Variants in SORCS2 observed in about 807,000 individuals in gnomAD.
SORCS2 encodes sortilin related VPS10 domain containing receptor 2.
SORCS2 carries 100 observed loss-of-function variants against 141.6 expected under a neutral mutation model. The ratio of observed to expected loss-of-function variants is 0.71; its 90% CI spans 0.60 to 0.83. The LOEUF (loss-of-function observed/expected upper bound fraction) is 0.83, where lower values mean the gene tolerates loss of function less well. Among genes scored for constraint, SORCS2 ranks in the 40% least tolerant of loss-of-function variants. SORCS2 has a pLI of 0.00. For missense variants in SORCS2, 1,646 were observed against 1,560.2 expected, an observed-to-expected ratio of 1.05 and a Z score of -0.93; for synonymous variants, 789 against 676.9, an observed-to-expected ratio of 1.17 and a Z score of -2.57.
chr4:7,260,162 T>C (rs565843378), intron 1 of SORCS2, among the ~76,000 whole-genome samples: 1 of 152,324 alleles, frequency 6.6e-6, no homozygotes, highest in East Asian at 1.9e-4. Flanking sequence ...ACTTTTCTTT[T>C]CCCTGTGGGT....
intron 4 of SORCS2, among the ~76,000 whole-genome samples, chr4:7,644,309 A>G (rs1248586053): frequency 2.0e-5 from 3 of 152,166 alleles, no homozygotes; most frequent in Non-Finnish European, 4.4e-5. Flanking sequence ...CCATAAAGCC[A>G]GTGACTGGAC....
intron 3 of SORCS2, among the ~76,000 whole-genome samples, chr4:7,603,171 A>AGAGAGAGGGAGAGGGAGACCG (rs1560419510): frequency 6.7e-6 from 1 of 148,652 alleles, no homozygotes; most frequent in Non-Finnish European, 1.5e-5. Flanking sequence ...GAGGGAGACC[A>AGAGAGAGGGAGAGGGAGACCG]TGGAAAGAGA....
At chr4:7,338,076 G>A (rs2108982144) in intron 1 of SORCS2, among the ~76,000 whole-genome samples, 1 of 150,308 alleles carries the variant, frequency 6.7e-6, no homozygotes, top group African/African-American at 2.5e-5. Context: ...CCTAGAAGAT[G>A]TTGGCTGGCT....
At chr4:7,446,645 G>C (rs772856740) in intron 2 of SORCS2, among the ~76,000 whole-genome samples, 2 of 152,144 alleles carry the variant, frequency 1.3e-5, no homozygotes, top group Non-Finnish European at 2.9e-5. Context: ...GTGGAATCCA[G>C]GCCTGGAGTT....
intron 3 of SORCS2, among the ~76,000 whole-genome samples, chr4:7,550,364 A>G (rs1012297894): frequency 6.6e-6 from 1 of 152,148 alleles, no homozygotes; most frequent in African/African-American, 2.4e-5. Flanking sequence ...AACACTTCCC[A>G]GGGCCTCAGT....
intron 3 of SORCS2, among the ~76,000 whole-genome samples, chr4:7,543,252 G>A (rs1712821418): frequency 6.6e-6 from 1 of 152,174 alleles, no homozygotes; most frequent in South Asian, 2.1e-4. Context: ...GAGAGTGAGA[G>A]GCAGGGAGGG....
At chr4:7,570,355 C>T (rs531912147) in intron 3 of SORCS2, among the ~76,000 whole-genome samples, 2 of 152,362 alleles carry the variant, frequency 1.3e-5, no homozygotes, top group Admixed American at 6.5e-5. Flanking sequence ...CTCGCTAGGG[C>T]CTCCTGGGAC....
At chr4:7,209,874 T>C (rs1462113785) in intron 1 of SORCS2, among the ~76,000 whole-genome samples, 1 of 152,210 alleles carries the variant, frequency 6.6e-6, no homozygotes, top group Non-Finnish European at 1.5e-5. Context: ...GAGGTGTTCT[T>C]GGAGCGACTC....
At chr4:7,642,231 G>A (rs1720796980) in intron 4 of SORCS2, among the ~76,000 whole-genome samples, 1 of 152,230 alleles carries the variant, frequency 6.6e-6, no homozygotes, top group African/African-American at 2.4e-5. Flanking sequence ...AGCCTCCTGG[G>A]CTACCTCTTT....
At chr4:7,357,742 C>T (rs772701128) in intron 1 of SORCS2, among the ~76,000 whole-genome samples, 31 of 152,058 alleles carry the variant, frequency 2.0e-4, no homozygotes, top group Non-Finnish European at 3.7e-4. Flanking sequence ...CTCACCCACT[C>T]GGGGCCTGGC....
At chr4:7,421,932 G>A (rs575287179) in intron 2 of SORCS2, among the ~76,000 whole-genome samples, 7 of 151,890 alleles carry the variant, frequency 4.6e-5, no homozygotes, top group African/African-American at 7.3e-5. Flanking sequence ...TGGGCATCAC[G>A]CTCCCTCCCC....
chr4:7,277,047 C>T (rs1715547287), intron 1 of SORCS2, among the ~76,000 whole-genome samples: 1 of 151,608 alleles, frequency 6.6e-6, no homozygotes, highest in Non-Finnish European at 1.5e-5. Context: ...AACTGTCCAG[C>T]CCCAGGACAG....
chr4:7,424,883 A>G (rs1421848813), intron 2 of SORCS2, among the ~76,000 whole-genome samples: 1 of 152,188 alleles, frequency 6.6e-6, no homozygotes, highest in African/African-American at 2.4e-5. Context: ...ATTGGACCAC[A>G]CAGTGCCCGG....
At position 7,298,452 on chromosome 4, in the gene SORCS2, GC is replaced by G. The variant is rs200449332; in HGVS notation, c.481-97834del. On this transcript the variant is annotated intron_variant, in intron 1 of 26. Coordinates refer to ENST00000507866, the MANE Select transcript of SORCS2 (RefSeq NM_020777.3). ...CAGTGCAGACTTTTCTGGAGAGGGTGCCGGGAGCTTCCTTTGGCCTCTGATC... is the reference window on the plus strand; with the variant it reads ...CAGTGCAGACTTTTCTGGAGAGGGTGCGGGAGCTTCCTTTGGCCTCTGATC... Among the ~76,000 whole-genome samples the G allele has an allele frequency of 4.9e-3, 747 of 152,290 alleles. 11 individuals carry two copies. The highest frequency in any genetic ancestry group is 0.017 in the African/African-American group (697 of 41,552).
chr4:7,433,833 C>T (rs755875097), intron 2 of SORCS2: 19 of 1,613,692 alleles, frequency 1.2e-5, no homozygotes, highest in Non-Finnish European at 1.5e-5. Flanking sequence ...TGGCCACAAG[C>T]TGCACCAAGG....
chr4:7,253,173 G>A (rs1713621498), intron 1 of SORCS2, among the ~76,000 whole-genome samples: 1 of 152,250 alleles, frequency 6.6e-6, no homozygotes, highest in Non-Finnish European at 1.5e-5. Context: ...TGAGCAGCCG[G>A]GCTAAGGATG....
At chr4:7,562,496 G>C (rs1237875030) in intron 3 of SORCS2, among the ~76,000 whole-genome samples, 1 of 152,174 alleles carries the variant, frequency 6.6e-6, no homozygotes, top group East Asian at 1.9e-4. Context: ...AACGTTTTCT[G>C]TAAAGGGCTA....
intron 9 of SORCS2, among the ~76,000 whole-genome samples, chr4:7,680,272 C>A (rs1475328682): frequency 1.3e-5 from 2 of 152,260 alleles, no homozygotes; most frequent in Non-Finnish European, 2.9e-5. Context: ...TACTCACACA[C>A]AGAGACACAG....
chr4:7,489,630 T>A (rs926758079), intron 2 of SORCS2, among the ~76,000 whole-genome samples: 3 of 152,190 alleles, frequency 2.0e-5, no homozygotes, highest in Non-Finnish European at 4.4e-5. Context: ...AAGTCTGTTA[T>A]TTAGAGTTTG....
Sources: allele counts gnomAD v4.1 joint callset (sites outside exome capture counted in the v4.1 genomes callset), GRCh38; gene constraint gnomAD v4.1.1; transcripts MANE v1.5; gene names NCBI Gene and HGNC (gene_info 2026-07-23, HGNC 2026-07-21).